Variants in ADAMTSL1 observed in about 807,000 individuals in gnomAD.
The protein encoded by ADAMTSL1 is ADAMTS-like protein 1.
In ADAMTSL1, 126 loss-of-function variants were observed where a neutral mutation model predicts 201.8. That is an observed-to-expected ratio of 0.62 (90% CI 0.54 to 0.72). The LOEUF (loss-of-function observed/expected upper bound fraction) is 0.72. ADAMTSL1 is among the 30% of genes least tolerant of loss of function. The pLI is 0.00. For missense variants in ADAMTSL1, 2,679 were observed against 2,277.8 expected, an observed-to-expected ratio of 1.18 and a Z score of -3.59; for synonymous variants, 1,121 against 903.4, an observed-to-expected ratio of 1.24 and a Z score of -4.32.
At chr9:17,954,020 C>T (rs983219523) in intron 1 of ADAMTSL1, among the ~76,000 whole-genome samples, 1 of 152,136 alleles carries the variant, frequency 6.6e-6, no homozygotes, top group African/African-American at 2.4e-5. Context: ...TCTTCATTCA[C>T]GAGTCTGGAG....
At position 18,875,281 on chromosome 9, in the gene ADAMTSL1, TTC is replaced by T. The variant is rs1221727654; in HGVS notation, c.4250-12548_4250-12547del. Among the ~76,000 whole-genome samples the T allele has an allele frequency of 5.3e-5, 8 of 152,254 alleles. No homozygotes were observed. The East Asian group carries it at 1.4e-3, about 26-fold the overall frequency. ...TCTGCTCTGATCTTTATTATTTCCT[TTC>T]TTCTGCTGGGTTTGGGTTTGGTTTG... On this transcript the variant is annotated intron_variant, in intron 23 of 28. Transcript: ENST00000380548.
At chr9:18,125,732 C>G (rs553051241) in intron 1 of ADAMTSL1, among the ~76,000 whole-genome samples, 2 of 152,236 alleles carry the variant, frequency 1.3e-5, no homozygotes, top group African/African-American at 4.8e-5. Context: ...GTCAATTAAC[C>G]ACAAATGTAA....
chr9:18,316,556 G>A (rs559296872), intron 2 of ADAMTSL1, among the ~76,000 whole-genome samples: 12 of 152,128 alleles, frequency 7.9e-5, no homozygotes, highest in South Asian at 4.2e-4. Flanking sequence ...GCTCTGTTCC[G>A]CCTGGCTCAC....
At chr9:18,275,298 T>G (rs1375715173) in intron 2 of ADAMTSL1, among the ~76,000 whole-genome samples, 3 of 152,192 alleles carry the variant, frequency 2.0e-5, no homozygotes, top group African/African-American at 7.2e-5. Flanking sequence ...TAAAAACTGT[T>G]CTTCACAGCA....
At chr9:18,514,334 T>C (rs1171047851) in intron 2 of ADAMTSL1, among the ~76,000 whole-genome samples, 4 of 138,248 alleles carry the variant, frequency 2.9e-5, no homozygotes, top group Non-Finnish European at 4.6e-5. Context: ...TTTCTTTTTT[T>C]TTTTTTTTTT....
At chr9:18,414,366 T>C (rs542742660) in intron 2 of ADAMTSL1, among the ~76,000 whole-genome samples, 1 of 152,342 alleles carries the variant, frequency 6.6e-6, no homozygotes, top group African/African-American at 2.4e-5. Context: ...TCAGATATAA[T>C]CTTTATGTAT....
chr9:18,269,659 T>G (rs1164422874), intron 2 of ADAMTSL1, among the ~76,000 whole-genome samples: 1 of 152,134 alleles, frequency 6.6e-6, no homozygotes, highest in Non-Finnish European at 1.5e-5. Flanking sequence ...ATAACTGATC[T>G]ACTTGAAAAT....
intron 2 of ADAMTSL1, among the ~76,000 whole-genome samples, chr9:18,175,700 C>T (rs1457504646): frequency 6.6e-6 from 1 of 152,076 alleles, no homozygotes; most frequent in Non-Finnish European, 1.5e-5. Flanking sequence ...CAATCCAAGT[C>T]CTACCTGCTC....
chr9:18,683,047 G>A (rs1376498344), intron 12 of ADAMTSL1, among the ~76,000 whole-genome samples: 1 of 152,100 alleles, frequency 6.6e-6, no homozygotes, highest in African/African-American at 2.4e-5. Context: ...TTTAACTCCT[G>A]ACTATCGTCA....
chr9:18,732,390 G>A (rs1818265678), intron 15 of ADAMTSL1, among the ~76,000 whole-genome samples: 2 of 152,134 alleles, frequency 1.3e-5, no homozygotes, highest in Non-Finnish European at 1.5e-5. Context: ...AGTACTTGTT[G>A]GGACATTCCA....
chr9:18,446,620 A>T (rs1036710409), intron 2 of ADAMTSL1, among the ~76,000 whole-genome samples: 5 of 152,232 alleles, frequency 3.3e-5, no homozygotes, highest in Non-Finnish European at 5.9e-5. Context: ...AATCTTTTAA[A>T]GCAACTTGAG....
chr9:18,570,311 C>G (rs1235703040), intron 3 of ADAMTSL1, among the ~76,000 whole-genome samples: 1 of 151,818 alleles, frequency 6.6e-6, no homozygotes, highest in Non-Finnish European at 1.5e-5. Flanking sequence ...TAAACCAAAA[C>G]CTTTGTAGAT....
intron 2 of ADAMTSL1, among the ~76,000 whole-genome samples, chr9:18,348,730 G>A (rs559503386): frequency 6.6e-6 from 1 of 152,220 alleles, no homozygotes; most frequent in South Asian, 2.1e-4. Flanking sequence ...TTTGGCCAGA[G>A]CTATGGTGAG....
chr9:18,660,345 A>G (rs1006651110), intron 8 of ADAMTSL1, among the ~76,000 whole-genome samples: 1 of 152,196 alleles, frequency 6.6e-6, no homozygotes, highest in Non-Finnish European at 1.5e-5. Context: ...CTGGTTGGAC[A>G]TTTTGCTTAG....
chr9:18,212,161 A>T (rs113884250), intron 2 of ADAMTSL1, among the ~76,000 whole-genome samples: 2,206 of 152,256 alleles, frequency 0.014, 61 homozygotes, highest in African/African-American at 0.05. Context: ...TCTTGCGCCC[A>T]TGTTTAATCT....
intron 2 of ADAMTSL1, among the ~76,000 whole-genome samples, chr9:18,284,695 T>TTTGG (rs1832927175): frequency 6.6e-6 from 1 of 152,232 alleles, no homozygotes; most frequent in Non-Finnish European, 1.5e-5. Flanking sequence ...AAAACTTAAC[T>TTTGG]ATTATTTCAT....
intron 1 of ADAMTSL1, among the ~76,000 whole-genome samples, chr9:18,124,017 T>G (rs1216158622): frequency 1.3e-5 from 2 of 152,034 alleles, no homozygotes; most frequent in Non-Finnish European, 2.9e-5. Flanking sequence ...ATTGTGGTTT[T>G]GATTTGCATT....
intron 7 of ADAMTSL1, among the ~76,000 whole-genome samples, chr9:18,653,921 C>T (rs765249070): frequency 3.1e-4 from 47 of 152,168 alleles, no homozygotes; most frequent in Non-Finnish European, 5.7e-4. Flanking sequence ...GACAGCCTTC[C>T]AAGGAGGGTA....
At position 18,217,613 on chromosome 9, in the gene ADAMTSL1, C is replaced by A. The variant is rs1259125523; in HGVS notation, c.207+53632C>A. On this transcript the variant is annotated intron_variant, in intron 2 of 29. Coordinates refer to the ADAMTSL1 transcript ENST00000680146. ...GATATATGGACCATGATGGACATGA[C>A]AGGTTATGTCTAAATGTAGTTTTGG... 2.6e-5 allele frequency among the ~76,000 whole-genome samples: 4 copies of A among 152,260 alleles called. No individual in the cohort carries two copies. The East Asian group carries it at 5.8e-4, about 22-fold the overall frequency.
Sources: gnomAD v4.1 joint callset for allele counts (sites outside exome capture counted in the v4.1 genomes callset) on GRCh38, gnomAD v4.1.1 for gene constraint, MANE v1.5 for transcripts, NCBI Gene and HGNC (gene_info 2026-07-23, HGNC 2026-07-21) for gene names.